HDAC9: variants seen among roughly 807,000 people sequenced by gnomAD.
HDAC9 encodes MEF-2 interacting transcription repressor (MITR) protein.
HDAC9 carries 41 observed loss-of-function variants against 139.4 expected under a neutral mutation model. The ratio of observed to expected loss-of-function variants is 0.29; its 90% CI spans 0.23 to 0.38. The LOEUF (loss-of-function observed/expected upper bound fraction) is 0.38. HDAC9 is among the 10% of genes least tolerant of loss of function. The pLI is 1.00. For missense variants in HDAC9, 1,147 were observed against 1,297.0 expected (o/e 0.88, Z 1.78); for synonymous variants, 517 against 476.2 (o/e 1.09, Z -1.12).
At chr7:18,176,248 T>C (rs1788892779) in intron 2 of HDAC9, among the ~76,000 whole-genome samples, 1 of 152,196 alleles carries the variant, frequency 6.6e-6, no homozygotes, top group Admixed American at 6.5e-5. Flanking sequence ...TTTCCTTCCC[T>C]GTGTTTTTCT....
chr7:18,514,788 C>T (rs565724651), intron 2 of HDAC9, among the ~76,000 whole-genome samples: 18 of 151,862 alleles, frequency 1.2e-4, no homozygotes, highest in Admixed American at 6.6e-4. Flanking sequence ...AAAATAAAAA[C>T]GAAAAATAAT....
intron 2 of HDAC9, among the ~76,000 whole-genome samples, chr7:18,573,305 C>A (rs1162487159): frequency 6.6e-6 from 1 of 152,140 alleles, no homozygotes; most frequent in Non-Finnish European, 1.5e-5. Context: ...TTTAGTAATT[C>A]TTTTTATTCC....
intron 1 of HDAC9, among the ~76,000 whole-genome samples, chr7:18,468,538 G>T (rs1794479100): frequency 6.6e-6 from 1 of 151,856 alleles, no homozygotes; most frequent in Non-Finnish European, 1.5e-5. Flanking sequence ...TTGAACTCCT[G>T]GGCTCAAGTG....
At chr7:18,358,666 G>A (rs781322613) in intron 1 of HDAC9, among the ~76,000 whole-genome samples, 5 of 152,084 alleles carry the variant, frequency 3.3e-5, no homozygotes, top group African/African-American at 4.8e-5. Context: ...TCTTTTAATC[G>A]AATGCATGGT....
intron 1 of HDAC9, among the ~76,000 whole-genome samples, chr7:18,311,064 A>G (rs1420910493): frequency 6.6e-6 from 1 of 151,240 alleles, no homozygotes; most frequent in Non-Finnish European, 1.5e-5. Flanking sequence ...TATTGATATT[A>G]TTTGTTTACC....
At chr7:18,668,732 A>C in intron 12 of HDAC9, 1 of 977,180 alleles carries the variant, frequency 1.0e-6, no homozygotes, top group African/African-American at 1.8e-5. Context: ...TATAATTTAC[A>C]CCCTTGAAGG....
chr7:18,380,624 GA>G (rs1178113216), intron 1 of HDAC9, among the ~76,000 whole-genome samples: 1 of 152,184 alleles, frequency 6.6e-6, no homozygotes, highest in Non-Finnish European at 1.5e-5. Flanking sequence ...ATGGTCTAGC[GA>G]TGGTCTTCAC....
intron 21 of HDAC9, among the ~76,000 whole-genome samples, chr7:18,869,051 C>G (rs1346636470): frequency 6.6e-6 from 1 of 152,028 alleles, no homozygotes; most frequent in Admixed American, 6.6e-5. Flanking sequence ...AAGTGCTTCT[C>G]TGAGTTCTGT....
At chr7:18,527,274 A>G (rs1241827252) in intron 2 of HDAC9, among the ~76,000 whole-genome samples, 1 of 152,096 alleles carries the variant, frequency 6.6e-6, no homozygotes, top group Non-Finnish European at 1.5e-5. Context: ...GGAGAGTGAA[A>G]CTTGCATGTC....
chr7:18,494,127 G>A (rs943639889), upstream of HDAC9, among the ~76,000 whole-genome samples: 38 of 151,970 alleles, frequency 2.5e-4, no homozygotes, highest in African/African-American at 7.7e-4. Flanking sequence ...CCACTGACAG[G>A]AACATAAGAT....
intron 21 of HDAC9, among the ~76,000 whole-genome samples, chr7:18,870,828 C>T (rs1291433524): frequency 2.6e-5 from 4 of 152,124 alleles, no homozygotes; most frequent in African/African-American, 9.7e-5. Context: ...CACACACCAC[C>T]ATGTGTGGCT....
intron 1 of HDAC9, among the ~76,000 whole-genome samples, chr7:18,464,078 T>A (rs1794072513): frequency 6.6e-6 from 1 of 152,008 alleles, no homozygotes; most frequent in Non-Finnish European, 1.5e-5. Flanking sequence ...GTTTGTCTAT[T>A]TGACTTTTAT....
intron 1 of HDAC9, among the ~76,000 whole-genome samples, chr7:18,372,596 A>G (rs1016571772): frequency 6.6e-6 from 1 of 152,200 alleles, no homozygotes; most frequent in Non-Finnish European, 1.5e-5. Context: ...TTGATAGAAG[A>G]GTAAGAGGGG....
chr7:18,687,986 A>C (rs958396895), intron 12 of HDAC9, among the ~76,000 whole-genome samples: 8 of 151,856 alleles, frequency 5.3e-5, no homozygotes, highest in African/African-American at 1.9e-4. Flanking sequence ...TGAGGTAGCT[A>C]TCAGATTTCC....
chr7:18,332,002 A>G (rs1399603403), intron 1 of HDAC9, among the ~76,000 whole-genome samples: 2 of 151,670 alleles, frequency 1.3e-5, no homozygotes, highest in Non-Finnish European at 3.0e-5. Flanking sequence ...GGACTGGAAC[A>G]CAGATACTGG....
chr7:18,201,838 G>A (rs987880943), intron 2 of HDAC9, among the ~76,000 whole-genome samples: 1 of 152,146 alleles, frequency 6.6e-6, no homozygotes, highest in African/African-American at 2.4e-5. Flanking sequence ...AGTTGAAAAA[G>A]CAAAGGTAGC....
At chr7:18,483,117 G>A (rs10243618) in intron 1 of HDAC9, among the ~76,000 whole-genome samples, 51,368 of 151,900 alleles carry the variant, frequency 0.34, 9,686 homozygotes, top group African/African-American at 0.51. Flanking sequence ...AGAAAGAAGA[G>A]AGATGCAGAA....
intron 1 of HDAC9, among the ~76,000 whole-genome samples, chr7:18,316,303 T>C (rs1370364574): frequency 6.6e-6 from 1 of 152,214 alleles, no homozygotes; most frequent in East Asian, 1.9e-4. Flanking sequence ...TTAAAGTTTG[T>C]ATTAACAGAA....
At chr7:18,492,835 A>G (rs1796469693), upstream of HDAC9, among the ~76,000 whole-genome samples, 1 of 151,976 alleles carries the variant, frequency 6.6e-6, no homozygotes, top group South Asian at 2.1e-4. Context: ...GGTAATCAAT[A>G]TAGTTGATGG....
Sources: gnomAD v4.1 joint callset for allele counts (sites outside exome capture counted in the v4.1 genomes callset) on GRCh38, gnomAD v4.1.1 for gene constraint, MANE v1.5 for transcripts, NCBI Gene and HGNC (gene_info 2026-07-23, HGNC 2026-07-21) for gene names.